Variants in ABRAXAS2 observed in about 807,000 individuals in gnomAD.
ABRAXAS2 encodes the protein abraxas 2, BRISC complex subunit, also known as BRISC complex subunit Abraxas 2.
Under a neutral mutation model 49.0 loss-of-function variants are expected in ABRAXAS2, and 23 were observed. The ratio of observed to expected loss-of-function variants is 0.47; its 90% CI spans 0.34 to 0.66. ABRAXAS2 has a LOEUF of 0.66. Among genes scored for constraint, ABRAXAS2 ranks in the 30% least tolerant of loss-of-function variants. The probability of loss-of-function intolerance (pLI) is 0.01; values close to 1 mark genes in which losing one functional copy is unlikely to be tolerated. For synonymous variants in ABRAXAS2, 168 were observed against 180.2 expected, an observed-to-expected ratio of 0.93 and a Z score of 0.54; for missense variants, 443 against 511.9, an observed-to-expected ratio of 0.87 and a Z score of 1.30.
intron 2 of ABRAXAS2, among the ~76,000 whole-genome samples, chr10:124,810,019 C>G (rs1950776454): frequency 6.6e-6 from 1 of 152,198 alleles, no homozygotes; most frequent in African/African-American, 2.4e-5. Context: ...TCCCAAAGTG[C>G]TGCGATTGCA....
intron 4 of ABRAXAS2, among the ~76,000 whole-genome samples, chr10:124,825,317 CAAAAAAAAAAAA>C (rs34358193): frequency 8.7e-5 from 9 of 103,928 alleles, no homozygotes; most frequent in African/African-American, 3.3e-4. Flanking sequence ...GACTCTGTCT[CAAAAAAAAAAAA>C]AAAAAAAAAA....
At chr10:124,813,572 T>A (rs2277263) in intron 2 of ABRAXAS2, among the ~76,000 whole-genome samples, 37,084 of 152,174 alleles carry the variant, frequency 0.24, 5,776 homozygotes, top group Middle Eastern at 0.33. Flanking sequence ...CAGGTGAGGC[T>A]GCCCAGCCCC....
At chr10:124,801,962 G>A (rs1950707917) in intron 1 of ABRAXAS2, 61 bp downstream of exon 1, 2 of 1,553,140 alleles carry the variant, frequency 1.3e-6, no homozygotes, top group Non-Finnish European at 1.8e-6. Flanking sequence ...TCAGGCCGGC[G>A]CTCGCGGCCA....
At chr10:124,816,444 C>A in intron 2 of ABRAXAS2, 132 bp from the exon 3 acceptor site, 1 of 641,396 alleles carries the variant, frequency 1.6e-6, no homozygotes, top group Non-Finnish European at 2.8e-6. Context: ...GTACATGTAG[C>A]AACTGTTTGG....
chr10:124,816,734 T>C, intron 3 of ABRAXAS2, 122 bp downstream of exon 3: 4 of 702,450 alleles, frequency 5.7e-6, no homozygotes, highest in Non-Finnish European at 1.0e-5. Context: ...TCCATGTATT[T>C]ATTGAGTGCT....
chr10:124,831,419 G>T lies in ABRAXAS2; in HGVS notation c.734G>T (p.Arg245Ile). ...TGTCAGGCAGAAGTGAACAAATTAAGAAGACAAATCACTCAGAGGAAAAAT... is the reference window on the plus strand; with the variant it reads ...TGTCAGGCAGAAGTGAACAAATTAATAAGACAAATCACTCAGAGGAAAAAT... The part of the protein sequence containing the change: ...ESCQAEVNKL[R>I]RQITQRKNEK... Residue 245 changes from arginine to isoleucine, a missense_variant, in exon 8 of 9, where the codon AGA (arginine) becomes ATA (isoleucine). Transcript: ENST00000298492. 2.5e-6 allele frequency: 4 copies of T among 1,611,684 alleles called. No homozygotes were observed. Among genetic ancestry groups the T allele is most frequent in the Non-Finnish European group, 3.4e-6 (4 of 1,178,198 alleles).
chr10:124,834,134 A>G (rs1018515242), intron 8 of ABRAXAS2, among the ~76,000 whole-genome samples: 2 of 152,170 alleles, frequency 1.3e-5, no homozygotes, highest in Admixed American at 6.6e-5. Flanking sequence ...GCCCCACGCC[A>G]GGGAACCAGC....
intron 8 of ABRAXAS2, 88 bp from the exon 9 acceptor site, chr10:124,834,414 C>T (rs1950954308): frequency 1.8e-6 from 2 of 1,132,418 alleles, no homozygotes; most frequent in South Asian, 1.6e-5. Context: ...TGCTATTTTC[C>T]AGAACATTCA....
intron 3 of ABRAXAS2, among the ~76,000 whole-genome samples, chr10:124,818,178 T>C (rs182063080): frequency 1.3e-5 from 2 of 152,180 alleles, no homozygotes; most frequent in African/African-American, 4.8e-5. Flanking sequence ...AGGTGGATCA[T>C]GAGGTCAGGA....
intron 1 of ABRAXAS2, among the ~76,000 whole-genome samples, chr10:124,806,038 C>G (rs1377132718): frequency 6.6e-6 from 1 of 152,118 alleles, no homozygotes; most frequent in Non-Finnish European, 1.5e-5. Context: ...CGATGGCTCA[C>G]GCCTGTAATC....
At chr10:124,801,991 C>A (rs1950708050) in intron 1 of ABRAXAS2, 90 bp downstream of exon 1, 2 of 1,364,384 alleles carry the variant, frequency 1.5e-6, no homozygotes, top group South Asian at 1.2e-5. Flanking sequence ...CCTCATGCGG[C>A]TCGCCCCCTG....
At chr10:124,820,508 G>A (rs972710594) in intron 4 of ABRAXAS2, among the ~76,000 whole-genome samples, 3 of 151,828 alleles carry the variant, frequency 2.0e-5, no homozygotes, top group Non-Finnish European at 4.4e-5. Flanking sequence ...TTGAGATGGA[G>A]TCTGGCTCTG....
rs191148248 is a variant in ABRAXAS2 at position 124,814,703 on chromosome 10, G to A, written c.164-1873G>A. 2.0e-5 allele frequency among the ~76,000 whole-genome samples: 3 copies of A among 151,954 alleles called. No individual in the cohort carries two copies. In the East Asian group the frequency reaches 5.8e-4, roughly 29 times the overall value. Reference sequence around the variant, plus strand: ...CTTGCTCTGTCATTCAGGCTGGGGTGTAGCGACATGATCTTGGCTCACTGC... The same window carrying A: ...CTTGCTCTGTCATTCAGGCTGGGGTATAGCGACATGATCTTGGCTCACTGC... On this transcript the variant is annotated intron_variant, in intron 2 of 8. Coordinates refer to ENST00000298492, the MANE Select transcript of ABRAXAS2 (RefSeq NM_032182.4).
chr10:124,823,524 A>G (rs907580268), intron 4 of ABRAXAS2, among the ~76,000 whole-genome samples: 2 of 152,252 alleles, frequency 1.3e-5, no homozygotes, highest in African/African-American at 2.4e-5. Context: ...TCTGAAATTG[A>G]TAACAGTAAC....
chr10:124,819,377 T>TA lies in ABRAXAS2; in HGVS notation c.201-4dup. On this transcript the variant is annotated splice_region_variant and splice_polypyrimidine_tract_variant and intron_variant, in intron 3 of 8. Transcript: ENST00000298492. ...GTGTTAGTACAAGATTTTTTTCTCT[T>TA]AAACAGTTTTTATGACTACGCAAGC... The TA allele has an allele frequency of 1.2e-6, 2 of 1,613,590 alleles. No individual in the cohort carries two copies. Among genetic ancestry groups the TA allele is most frequent in the Admixed American group, 1.7e-5 (1 of 59,998 alleles).
In ABRAXAS2 at chr10:124,801,839, T is replaced by C; in HGVS notation, c.10T>C (p.Ser4Pro). 6.2e-7 allele frequency: 1 copy of C among 1,613,076 alleles called. No homozygotes were observed. Among genetic ancestry groups the C allele is most frequent in the Non-Finnish European group, 8.5e-7 (1 of 1,179,706 alleles). The change falls in exon 1 of 9, where the codon TCC (serine) becomes CCC (proline). Residue 4 changes from serine to proline, a missense_variant. Transcript: ENST00000298492. ...GCTGGAGATTTCCATCATGGCGGCG[T>C]CCATTTCGGGCTACACCTTCAGTGC... MAA[S>P]ISGYTFSAVC... is the part of the protein sequence containing the mutation.
chr10:124,809,462 T>C (rs1160207327), intron 2 of ABRAXAS2, among the ~76,000 whole-genome samples: 1 of 76,758 alleles, frequency 1.3e-5, no homozygotes, highest in East Asian at 3.9e-4. Context: ...TTTTTGTATT[T>C]TTAGTAGAGA....
At position 124,806,765 on chromosome 10, in the gene ABRAXAS2, C is replaced by A. The variant is rs77114008; in HGVS notation, c.73-66C>A. 14,419 of 1,046,306 alleles carry A rather than the reference C, an allele frequency of 0.014. 1,213 individuals are homozygous for A. In the African/African-American group the frequency reaches 0.19, roughly 14 times the overall value. The allele number at this position is 1,046,306 out of a possible 1,614,324, so 64.8% of individuals were successfully genotyped here. ...ATTATAAATTTATATGTCCTCAATT[C>A]CTCTTAATTTCAGTAAAAGTCATTT... is the stretch of plus-strand genomic sequence containing the variant. On this transcript the variant is annotated intron_variant, in intron 1 of 8. Coordinates refer to ENST00000298492, the MANE Select transcript of ABRAXAS2 (RefSeq NM_032182.4).
At chr10:124,819,474 A>G (rs763206188) in intron 4 of ABRAXAS2, 24 bp downstream of exon 4, 8 of 1,605,356 alleles carry the variant, frequency 5.0e-6, no homozygotes, top group South Asian at 4.4e-5. Flanking sequence ...GTTGCCCAGT[A>G]TGATTCTGAA....
Sources: allele counts gnomAD v4.1 joint callset (sites outside exome capture counted in the v4.1 genomes callset), GRCh38; gene constraint gnomAD v4.1.1; transcripts MANE v1.5; gene names NCBI Gene and HGNC (gene_info 2026-07-23, HGNC 2026-07-21).